IL17REL: variants seen among roughly 807,000 people sequenced by gnomAD.
IL17REL encodes the protein interleukin-17 receptor E-like protein.
A neutral mutation model predicts 49.0 loss-of-function variants in IL17REL; 36 were observed. The ratio of observed to expected loss-of-function variants is 0.73; its 90% CI spans 0.56 to 0.97. IL17REL has a LOEUF of 0.97. Among genes scored for constraint, IL17REL ranks in the 50% least tolerant of loss-of-function variants. IL17REL has a pLI of 0.00. For missense variants in IL17REL, 470 were observed against 453.9 expected, an observed-to-expected ratio of 1.04 and a Z score of -0.32; for synonymous variants, 206 against 192.4, an observed-to-expected ratio of 1.07 and a Z score of -0.58.
upstream of IL17REL, among the ~76,000 whole-genome samples, chr22:50,010,622 G>A (rs2061134335): frequency 6.6e-6 from 1 of 152,214 alleles, no homozygotes; most frequent in African/African-American, 2.4e-5. Flanking sequence ...CTGGAGAGGC[G>A]AAGGGCGTCT....
intron 7 of IL17REL, among the ~76,000 whole-genome samples, chr22:49,998,728 T>C (rs973493678): frequency 4.0e-5 from 6 of 149,088 alleles, no homozygotes; most frequent in Non-Finnish European, 8.9e-5. Flanking sequence ...TGTTTGCATG[T>C]GTATGGGTGT....
chr22:50,006,680 G>A (rs575699829), intron 1 of IL17REL, among the ~76,000 whole-genome samples: 5 of 152,232 alleles, frequency 3.3e-5, no homozygotes, highest in South Asian at 4.1e-4. Flanking sequence ...GGGGCCGGGC[G>A]CAGTGGCTCA....
chr22:50,002,237 G>A (rs776237685), intron 1 of IL17REL, among the ~76,000 whole-genome samples: 25 of 152,166 alleles, frequency 1.6e-4, no homozygotes, highest in African/African-American at 5.3e-4. Context: ...AAAACCCTGC[G>A]GAGCACTGCA....
At chr22:50,006,077 C>T (rs1184994855) in intron 1 of IL17REL, among the ~76,000 whole-genome samples, 1 of 152,070 alleles carries the variant, frequency 6.6e-6, no homozygotes, top group Non-Finnish European at 1.5e-5. Context: ...ACGTTTCCAA[C>T]CCAGTGGGAG....
chr22:50,003,078 A>G (rs1234702283), intron 1 of IL17REL, among the ~76,000 whole-genome samples: 1 of 152,210 alleles, frequency 6.6e-6, no homozygotes, highest in East Asian at 1.9e-4. Flanking sequence ...ACTGGGATAG[A>G]GAGTCTGGGC....
At chr22:50,010,198 T>A (rs1371482266), upstream of IL17REL, among the ~76,000 whole-genome samples, 1 of 152,208 alleles carries the variant, frequency 6.6e-6, no homozygotes, top group East Asian at 1.9e-4. Flanking sequence ...GGGCGGAGTA[T>A]ACAGGCTGGA....
chr22:50,002,803 A>G (rs765306873), intron 1 of IL17REL, among the ~76,000 whole-genome samples: 12 of 152,176 alleles, frequency 7.9e-5, no homozygotes, highest in Non-Finnish European at 1.6e-4. Context: ...CCAGAAATCC[A>G]ACTCTTACAA....
downstream of IL17REL, among the ~76,000 whole-genome samples, chr22:49,994,087 T>C (rs549364387): frequency 1.3e-5 from 2 of 148,662 alleles, no homozygotes; most frequent in South Asian, 2.2e-4. Context: ...GATCTCCAGG[T>C]TAGGGAAGGG....
chr22:50,009,767 C>T (rs1176048974), upstream of IL17REL, among the ~76,000 whole-genome samples: 3 of 152,224 alleles, frequency 2.0e-5, no homozygotes, highest in South Asian at 6.2e-4. Flanking sequence ...CGGGCATTAC[C>T]GGTGGCTACA....
At chr22:50,007,198 T>A (rs2061114976) in intron 1 of IL17REL, among the ~76,000 whole-genome samples, 1 of 152,058 alleles carries the variant, frequency 6.6e-6, no homozygotes, top group Non-Finnish European at 1.5e-5. Flanking sequence ...CAAACAGGAA[T>A]TCCCTCATTC....
At chr22:50,001,022 C>T (rs1334563754) in intron 2 of IL17REL, 60 bp downstream of exon 3, 23 of 1,367,960 alleles carry the variant, frequency 1.7e-5, no homozygotes, top group Non-Finnish European at 9.1e-6. Context: ...GAATAAAAGG[C>T]ACCTGGGCCC....
intron 1 of IL17REL, among the ~76,000 whole-genome samples, chr22:50,007,868 G>A (rs1249801865): frequency 6.6e-6 from 1 of 151,760 alleles, no homozygotes; most frequent in African/African-American, 2.4e-5. Context: ...TAGTTTAAAT[G>A]ACATAAGGTA....
chr22:50,010,820 G>T (rs1324786207), upstream of IL17REL, among the ~76,000 whole-genome samples: 1 of 72 alleles, frequency 0.014, no homozygotes, highest in South Asian at 0.5. Flanking sequence ...GAGCGGGGGC[G>T]GGGGGGGGCT....
At chr22:50,000,455 T>C (rs1445916775) in intron 4 of IL17REL, 23 bp downstream of exon 5, 1 of 1,561,342 alleles carries the variant, frequency 6.4e-7, no homozygotes, top group African/African-American at 1.4e-5. Flanking sequence ...GTAGCTGTGC[T>C]CAGGGGGCCC....
At chr22:50,007,081 A>T (rs1023609213) in intron 1 of IL17REL, among the ~76,000 whole-genome samples, 1 of 152,190 alleles carries the variant, frequency 6.6e-6, no homozygotes, top group Non-Finnish European at 1.5e-5. Flanking sequence ...CAAACTAGGA[A>T]AAGAAAGGCA....
In IL17REL at chr22:49,999,098, GCA is replaced by G. The variant is rs144306366; in HGVS notation, c.601+191_601+192del. ...GTCCACGTGCGCACACATGTACATT[GCA>G]CACACACACACACTTATGCACATCC... On this transcript the variant is annotated intron_variant, in intron 7 of 12. Transcript: ENST00000341280. Among the ~76,000 whole-genome samples the G allele has an allele frequency of 2.4e-4, 36 of 151,520 alleles. No individual in the cohort carries two copies. In the East Asian group the frequency reaches 2.5e-3, roughly 11 times the overall value.
chr22:49,997,250 A>T (rs2061041168), intron 11 of IL17REL, 70 bp downstream of exon 13: 2 of 1,506,378 alleles, frequency 1.3e-6, no homozygotes, highest in Admixed American at 3.6e-5. Flanking sequence ...AGACCACCAC[A>T]GGGAAGTGAT....
chr22:50,003,170 A>G (rs933304390), intron 1 of IL17REL, among the ~76,000 whole-genome samples: 1 of 152,218 alleles, frequency 6.6e-6, no homozygotes, highest in African/African-American at 2.4e-5. Flanking sequence ...TCTGTGGAGT[A>G]TTCATGAACA....
chr22:50,002,750 C>T (rs984974883), intron 1 of IL17REL, among the ~76,000 whole-genome samples: 3 of 152,222 alleles, frequency 2.0e-5, no homozygotes, highest in African/African-American at 7.2e-5. Flanking sequence ...CCACCTCGGC[C>T]TCCCAAAGTG....
Sources: gnomAD v4.1 joint callset for allele counts (sites outside exome capture counted in the v4.1 genomes callset) on GRCh38, gnomAD v4.1.1 for gene constraint, MANE v1.5 for transcripts, NCBI Gene and HGNC (gene_info 2026-07-23, HGNC 2026-07-21) for gene names.